The following OGDH variants were observed in gnomAD, a reference collection of about 807,000 sequenced individuals.
OGDH encodes the protein oxoglutarate dehydrogenase.
Under a neutral mutation model 116.6 loss-of-function variants are expected in OGDH, and 38 were observed. That is an observed-to-expected ratio of 0.33 (90% CI 0.25 to 0.43). The LOEUF (loss-of-function observed/expected upper bound fraction) is 0.43, where lower values mean the gene tolerates loss of function less well. OGDH is among the 20% of genes least tolerant of loss of function. The pLI is 1.00. For missense variants in OGDH, 825 were observed against 1,357.2 expected, an observed-to-expected ratio of 0.61 and a Z score of 6.16; for synonymous variants, 488 against 533.3, an observed-to-expected ratio of 0.92 and a Z score of 1.17.
chr7:44,698,712 A>T (rs1788696415), intron 18 of OGDH, among the ~76,000 whole-genome samples: 1 of 151,868 alleles, frequency 6.6e-6, no homozygotes, highest in African/African-American at 2.4e-5. Context: ...GTGATGGTGC[A>T]CGCCTGCAGT....
chr7:44,656,386 C>G, intron 4 of OGDH: 1 of 1,534,646 alleles, frequency 6.5e-7, no homozygotes. Context: ...GAGCTTTTCA[C>G]CTTTTCAGAG....
chr7:44,656,438 A>G, intron 4 of OGDH: 4 of 1,331,242 alleles, frequency 3.0e-6, no homozygotes, highest in Non-Finnish European at 4.1e-6. Context: ...TTTTCCTAGC[A>G]TGCAATATGG....
At chr7:44,681,630 T>C in intron 9 of OGDH, 90 bp from the exon 10 acceptor site, 2 of 1,509,586 alleles carry the variant, frequency 1.3e-6, no homozygotes, top group African/African-American at 2.8e-5. Context: ...ACGTTATTTT[T>C]TGAAAAACAA....
At chr7:44,701,089 G>T (rs970030641) in intron 19 of OGDH, among the ~76,000 whole-genome samples, 1 of 152,222 alleles carries the variant, frequency 6.6e-6, no homozygotes, top group African/African-American at 2.4e-5. Flanking sequence ...CTGGGATACC[G>T]CGGGGGTGGG....
chr7:44,679,581 G>A (rs1485125131), intron 9 of OGDH, among the ~76,000 whole-genome samples: 3 of 152,228 alleles, frequency 2.0e-5, no homozygotes, highest in Non-Finnish European at 4.4e-5. Context: ...CCCGTAGGCT[G>A]AGGACACAGC....
chr7:44,624,475 T>G lies in OGDH; in HGVS notation c.132T>G (p.Val44=). 6.2e-7 allele frequency: 1 copy of G among 1,613,908 alleles called. No individual in the cohort carries two copies. Among genetic ancestry groups the G allele is most frequent in the Non-Finnish European group, 8.5e-7 (1 of 1,179,980 alleles). The change falls in exon 2 of 23, where the codon GTT becomes GTG. Residue 44 remains valine (V), a synonymous_variant. Coordinates refer to ENST00000222673, the MANE Select transcript of OGDH (RefSeq NM_002541.4). ...AGATTCGGTGCTATTCTGCACCTGT[T>G]GCTGCTGAGCCCTTTCTCAGTGGGA... ...FQQIRCYSAP[V]AAEPFLSGTS...
intron 20 of OGDH, among the ~76,000 whole-genome samples, chr7:44,706,208 G>C (rs1308468929): frequency 6.6e-6 from 1 of 152,066 alleles, no homozygotes; most frequent in Non-Finnish European, 1.5e-5. Context: ...CTCCCAAAGT[G>C]CTGGCCAACC....
intron 10 of OGDH, among the ~76,000 whole-genome samples, chr7:44,684,326 G>A (rs1269873610): frequency 6.6e-6 from 1 of 151,846 alleles, no homozygotes; most frequent in African/African-American, 2.4e-5. Context: ...GATTAGAGGA[G>A]GACAGAGAAA....
intron 2 of OGDH, 77 bp from the exon 3 acceptor site, chr7:44,645,250 A>G: frequency 7.4e-7 from 1 of 1,342,704 alleles, no homozygotes; most frequent in Non-Finnish European, 1.0e-6. Context: ...GCCTGCAGAG[A>G]GCAGTTCTCT....
chr7:44,654,985 T>C (rs942877735), intron 4 of OGDH, among the ~76,000 whole-genome samples: 4 of 152,246 alleles, frequency 2.6e-5, no homozygotes, highest in Admixed American at 2.0e-4. Context: ...TATTGTTCTC[T>C]TAACTCTCCT....
At chr7:44,607,588 C>CGTTTA (rs1201582725) in intron 1 of OGDH, among the ~76,000 whole-genome samples, 5 of 152,208 alleles carry the variant, frequency 3.3e-5, no homozygotes, top group African/African-American at 1.2e-4. Context: ...TTGCAACAGT[C>CGTTTA]AAACTGTACT....
Position 44,615,989 on chromosome 7 carries a change from A to T in OGDH, c.-27-8328A>T, listed in dbSNP as rs185245803. 4.1e-3 allele frequency among the ~76,000 whole-genome samples: 627 copies of T among 151,382 alleles called. 7 individuals are homozygous for T. The highest frequency in any genetic ancestry group is 0.014 in the African/African-American group (572 of 41,200). On this transcript the variant is annotated intron_variant, in intron 1 of 22. Transcript: ENST00000222673. ...GGCTGCAGTGAGCCGAGATCACACC[A>T]CTGCACTCCAGCCTGGGCAACAGAG...
intron 3 of OGDH, among the ~76,000 whole-genome samples, chr7:44,645,798 G>A (rs1240657594): frequency 1.3e-5 from 2 of 152,206 alleles, no homozygotes; most frequent in African/African-American, 2.4e-5. Flanking sequence ...TTTGTGGGCA[G>A]GGAAAACAAG....
chr7:44,610,134 A>C (rs1201365092), intron 1 of OGDH, among the ~76,000 whole-genome samples: 1 of 151,822 alleles, frequency 6.6e-6, no homozygotes, highest in Non-Finnish European at 1.5e-5. Context: ...TCTCGGGTGA[A>C]ATGTCTGTTC....
chr7:44,703,842 G>A (rs1404774538), intron 20 of OGDH, among the ~76,000 whole-genome samples: 1 of 151,654 alleles, frequency 6.6e-6, no homozygotes, highest in African/African-American at 2.4e-5. Flanking sequence ...CCAAGATCAC[G>A]CCGTTGCACT....
intron 10 of OGDH, among the ~76,000 whole-genome samples, chr7:44,692,861 C>A (rs1227175790): frequency 2.0e-5 from 3 of 151,584 alleles, no homozygotes; most frequent in Admixed American, 6.6e-5. Flanking sequence ...ATGGCAAGAC[C>A]CCATCTCTAC....
intron 7 of OGDH, 87 bp from the exon 8 acceptor site, chr7:44,675,091 G>T (rs566925140): frequency 9.8e-7 from 1 of 1,020,930 alleles, no homozygotes; most frequent in Admixed American, 1.8e-5. Context: ...CTGGGGGGAG[G>T]GGGAGGGGGG....
intron 2 of OGDH, among the ~76,000 whole-genome samples, chr7:44,637,627 A>G (rs1469635938): frequency 6.6e-6 from 1 of 151,784 alleles, no homozygotes; most frequent in African/African-American, 2.4e-5. Context: ...CCTGGCCACC[A>G]TGGTGAAATC....
intron 1 of OGDH, among the ~76,000 whole-genome samples, chr7:44,623,556 T>G (rs1009397626): frequency 4.6e-5 from 7 of 152,252 alleles, no homozygotes; most frequent in Non-Finnish European, 1.0e-4. Context: ...CTTGTTGCCT[T>G]TCTTCTAATT....
Sources: gnomAD v4.1 joint callset for allele counts (sites outside exome capture counted in the v4.1 genomes callset) on GRCh38, gnomAD v4.1.1 for gene constraint, MANE v1.5 for transcripts, NCBI Gene and HGNC (gene_info 2026-07-23, HGNC 2026-07-21) for gene names.